Variants in USP48 observed in about 807,000 individuals in gnomAD.
The protein encoded by USP48 is ubiquitin carboxyl-terminal hydrolase 48.
A neutral mutation model predicts 150.7 loss-of-function variants in USP48; 43 were observed. The ratio of observed to expected loss-of-function variants is 0.29; its 90% CI spans 0.22 to 0.37. The LOEUF (loss-of-function observed/expected upper bound fraction) is 0.37, where lower values mean the gene tolerates loss of function less well. Ranked by LOEUF, USP48 falls within the 10% of genes least tolerant of loss-of-function variation. The probability of loss-of-function intolerance (pLI) is 1.00; values close to 1 mark genes in which losing one functional copy is unlikely to be tolerated. For missense variants in USP48, 813 were observed against 1,249.6 expected, an observed-to-expected ratio of 0.65 and a Z score of 5.27; for synonymous variants, 396 against 425.9, an observed-to-expected ratio of 0.93 and a Z score of 0.86.
In USP48 at chr1:21,715,370, A is replaced by T; in HGVS notation, c.1963+19T>A. On this transcript the variant is annotated intron_variant, in intron 15 of 26. Coordinates refer to ENST00000308271, the MANE Select transcript of USP48 (RefSeq NM_032236.8). ...AAAAAAGGACAATAAAACAGAATTC[A>T]TTTATGCTTCTAGCTTACCATGTGG... 6 of 1,564,696 alleles carry T rather than the reference A, an allele frequency of 3.8e-6. No individual in the cohort carries two copies. The highest frequency in any genetic ancestry group is 5.2e-6 in the Non-Finnish European group (6 of 1,143,634).
chr1:21,728,810 T>C, intron 10 of USP48, 91 bp from the exon 11 acceptor site: 1 of 1,446,690 alleles, frequency 6.9e-7, no homozygotes, highest in East Asian at 2.3e-5. Flanking sequence ...AAATACTGAT[T>C]AAAACATTGG....
Position 21,729,712 on chromosome 1 carries a change from T to C in USP48, c.1292A>G (p.Gln431Arg), listed in dbSNP as rs2097751490. The change falls in exon 10 of 27, where the codon CAA (glutamine) becomes CGA (arginine). Residue 431 changes from glutamine to arginine, a missense_variant. Coordinates refer to ENST00000308271, the MANE Select transcript of USP48 (RefSeq NM_032236.8). Reference protein sequence around the residue: ...QTQEKPNTTVQVPAFLQELVD... With the variant: ...QTQEKPNTTVRVPAFLQELVD... Reference sequence around the variant, plus strand: ...CTGGAAAACTGCTTTACCTGGAACTTGAACAGTAGTGTTGGGCTTTTCTTG... The same window carrying C: ...CTGGAAAACTGCTTTACCTGGAACTCGAACAGTAGTGTTGGGCTTTTCTTG... 1 of 1,613,352 alleles carries C rather than the reference T, an allele frequency of 6.2e-7. No individual in the cohort carries two copies. The highest frequency in any genetic ancestry group is 1.3e-5 in the African/African-American group (1 of 74,926).
intron 23 of USP48, 104 bp downstream of exon 23, chr1:21,694,962 G>GA: frequency 6.5e-6 from 8 of 1,239,080 alleles, no homozygotes; most frequent in Non-Finnish European, 6.4e-6. Context: ...AAGTCTTCTG[G>GA]AAAAAAACAC....
intron 10 of USP48, among the ~76,000 whole-genome samples, chr1:21,729,135 T>C (rs979378078): frequency 1.3e-5 from 2 of 152,050 alleles, no homozygotes; most frequent in African/African-American, 4.8e-5. Context: ...ATACAAAAAT[T>C]AGCTGGGCGT....
At chr1:21,755,020 G>C (rs901063227) in intron 3 of USP48, among the ~76,000 whole-genome samples, 5 of 152,198 alleles carry the variant, frequency 3.3e-5, no homozygotes, top group Admixed American at 3.3e-4. Flanking sequence ...CCCTGTATCT[G>C]CTGTCCTTGT....
At chr1:21,755,836 G>C (rs1043073255) in intron 3 of USP48, among the ~76,000 whole-genome samples, 1 of 151,998 alleles carries the variant, frequency 6.6e-6, no homozygotes, top group Admixed American at 6.6e-5. Context: ...TTCAAGACCA[G>C]CCTGGGCAAC....
At chr1:21,764,428 G>A (rs1422186050) in intron 1 of USP48, among the ~76,000 whole-genome samples, 1 of 147,626 alleles carries the variant, frequency 6.8e-6, no homozygotes, top group Non-Finnish European at 1.5e-5. Context: ...ATCAGAGAGA[G>A]ACCCTGTCTC....
intron 1 of USP48, among the ~76,000 whole-genome samples, chr1:21,770,290 C>A (rs2097875735): frequency 6.6e-6 from 1 of 151,848 alleles, no homozygotes; most frequent in Admixed American, 6.6e-5. Flanking sequence ...TACATAAAGT[C>A]CAACATAGGC....
intron 21 of USP48, among the ~76,000 whole-genome samples, chr1:21,701,857 G>A (rs2097657916): frequency 6.6e-6 from 1 of 152,176 alleles, no homozygotes; most frequent in African/African-American, 2.4e-5. Context: ...GGTCTCTGCA[G>A]AGCAGTTATT....
chr1:21,712,517 G>A (rs1463312907), intron 15 of USP48, among the ~76,000 whole-genome samples: 1 of 152,004 alleles, frequency 6.6e-6, no homozygotes, highest in Non-Finnish European at 1.5e-5. Context: ...AACTTAATGA[G>A]TAAAGTGGAT....
At chr1:21,751,998 C>G (rs1571973176) in intron 5 of USP48, among the ~76,000 whole-genome samples, 1 of 118,728 alleles carries the variant, frequency 8.4e-6, no homozygotes, top group South Asian at 2.5e-4. Context: ...TCCTGGGCAA[C>G]AGAGCAAGAG....
chr1:21,752,121 T>C (rs1349063697), intron 5 of USP48, among the ~76,000 whole-genome samples: 1 of 152,148 alleles, frequency 6.6e-6, no homozygotes, highest in Non-Finnish European at 1.5e-5. Flanking sequence ...ACAAGTGCAG[T>C]TTTGTTACAT....
At chr1:21,698,711 G>A (rs532542009) in intron 22 of USP48, among the ~76,000 whole-genome samples, 13 of 152,130 alleles carry the variant, frequency 8.5e-5, no homozygotes, top group African/African-American at 2.6e-4. Flanking sequence ...TGGATATCAC[G>A]GTGAAACCCC....
chr1:21,765,875 T>G (rs2097860659), intron 1 of USP48, among the ~76,000 whole-genome samples: 1 of 119,456 alleles, frequency 8.4e-6, no homozygotes. Flanking sequence ...TGCTCCGGCC[T>G]GGGCAACAAA....
chr1:21,716,850 A>C (rs908026535), intron 14 of USP48, among the ~76,000 whole-genome samples: 1 of 151,858 alleles, frequency 6.6e-6, no homozygotes, highest in South Asian at 2.1e-4. Flanking sequence ...AACACAGTGA[A>C]ACCTCGTCTC....
chr1:21,727,763 T>A, intron 11 of USP48: 1 of 525,602 alleles, frequency 1.9e-6, no homozygotes, highest in Non-Finnish European at 2.4e-6. Context: ...TATATTCTTA[T>A]AGACTTGGCA....
chr1:21,747,166 C>G lies in USP48; in HGVS notation c.909-17G>C. On this transcript the variant is annotated splice_polypyrimidine_tract_variant and intron_variant, in intron 7 of 26. Coordinates refer to ENST00000308271, the MANE Select transcript of USP48 (RefSeq NM_032236.8). The stretch of plus-strand genomic sequence containing the variant: ...CCAGTTTGCCTAACCAAGAGGAAAG[C>G]TGATTATATTTACATTTAAAACAAT... 6.4e-7 allele frequency: 1 copy of G among 1,570,206 alleles called. No individual in the cohort carries two copies. Among genetic ancestry groups the G allele is most frequent in the East Asian group, 2.2e-5 (1 of 44,494 alleles).
intron 23 of USP48, among the ~76,000 whole-genome samples, chr1:21,690,337 C>A (rs546295115): frequency 6.6e-6 from 1 of 151,930 alleles, no homozygotes; most frequent in African/African-American, 2.4e-5. Context: ...CATATAGATG[C>A]GTTTGTTCCT....
At chr1:21,701,380 AAG>A in intron 22 of USP48, 116 bp downstream of exon 22, 46 of 736,280 alleles carry the variant, frequency 6.2e-5, no homozygotes, top group Middle Eastern at 5.1e-4. Flanking sequence ...AAAAAAAAAA[AAG>A]AAAAAAAAAG....
Sources: gnomAD v4.1 joint callset for allele counts (sites outside exome capture counted in the v4.1 genomes callset) on GRCh38, gnomAD v4.1.1 for gene constraint, MANE v1.5 for transcripts, NCBI Gene and HGNC (gene_info 2026-07-23, HGNC 2026-07-21) for gene names.